The following ANO1 variants were observed in gnomAD, a reference collection of about 807,000 sequenced individuals.
The protein encoded by ANO1 is anoctamin 1.
ANO1 carries 59 observed loss-of-function variants against 124.0 expected under a neutral mutation model. That is an observed-to-expected ratio of 0.48 (90% CI 0.39 to 0.59). ANO1 has a LOEUF of 0.59. ANO1 is among the 20% of genes least tolerant of loss of function. The pLI, the probability that ANO1 is intolerant of heterozygous loss-of-function variation, is 0.00. For missense variants in ANO1, 1,059 were observed against 1,328.0 expected, an observed-to-expected ratio of 0.80 and a Z score of 3.15; for synonymous variants, 529 against 532.0, an observed-to-expected ratio of 0.99 and a Z score of 0.08.
rs2045391102 is a variant in ANO1, at chr11:70,104,098, C to T, written c.640C>T (p.Pro214Ser). 1.9e-6 allele frequency: 3 copies of T among 1,612,904 alleles called. No homozygotes were observed. The highest frequency in any genetic ancestry group is 1.3e-5 in the African/African-American group (1 of 74,896). ...CCAGCCCAAAGTGGCTGAGCACAGG[C>T]CCCAGACCATGAAGAGACTCTCCTA... ...PIQPKVAEHR[P>S]QTMKRLSYPF... The change falls in exon 4 of 26, where the codon CCC (proline) becomes TCC (serine). Residue 214 changes from proline (P) to serine (S), a missense_variant. Physicochemically the swap from Pro to Ser is moderately conservative, Grantham distance 74. Around this residue, in one of 2 missense-constraint regions of ANO1, gnomAD observed 809 missense variants for 1,094.9 expected, o/e 0.74. Transcript: ENST00000355303.
chr11:70,060,759 T>C (rs1857554573), intron 1 of ANO1, among the ~76,000 whole-genome samples: 1 of 152,132 alleles, frequency 6.6e-6, no homozygotes, highest in South Asian at 2.1e-4. Flanking sequence ...GGTCAACTTG[T>C]TCTGATAGAA....
chr11:69,997,467 C>T (rs1226730283), intron 1 of ANO1, among the ~76,000 whole-genome samples: 5 of 152,184 alleles, frequency 3.3e-5, no homozygotes, highest in African/African-American at 1.2e-4. Flanking sequence ...ACCTACTGGT[C>T]CCCCAGGCCA....
chr11:70,161,145 C>T lies in ANO1; in HGVS notation c.1579-16C>T, dbSNP rs1468099561. ...GGGTGGGCCCCCAACCAAGAGTGCC[C>T]CTTTCCCCCCTGCAGATTGCAGTGA... is the stretch of plus-strand genomic sequence containing the variant. On this transcript the variant is annotated splice_polypyrimidine_tract_variant and intron_variant, in intron 16 of 25. Transcript: ENST00000355303. 1.2e-6 allele frequency: 2 copies of T among 1,610,230 alleles called. No homozygotes were observed. Among genetic ancestry groups the T allele is most frequent in the Non-Finnish European group, 8.5e-7 (1 of 1,178,544 alleles).
intron 10 of ANO1, among the ~76,000 whole-genome samples, chr11:70,128,176 C>G (rs1477087495): frequency 1.3e-5 from 2 of 151,130 alleles, no homozygotes; most frequent in Non-Finnish European, 3.0e-5. Flanking sequence ...CCCCCACCCC[C>G]GAATCAAAGC....
intron 14 of ANO1, 135 bp downstream of exon 14, chr11:70,153,263 T>C: frequency 1.3e-6 from 1 of 777,156 alleles, no homozygotes; most frequent in Non-Finnish European, 2.1e-6. Context: ...AACTCTGCCA[T>C]GGTAGCGGCA....
intron 1 of ANO1, among the ~76,000 whole-genome samples, chr11:70,041,762 A>G (rs183842447): frequency 6.6e-5 from 10 of 152,174 alleles, no homozygotes; most frequent in African/African-American, 2.2e-4. Flanking sequence ...TTCCTTCCCT[A>G]TTAGTAGAGG....
intron 2 of ANO1, among the ~76,000 whole-genome samples, chr11:70,095,431 GAA>G: frequency 7.6e-6 from 1 of 132,332 alleles, no homozygotes; most frequent in Non-Finnish European, 1.7e-5. Context: ...AGAAAGAAAA[GAA>G]AAGAAAGAAA....
chr11:70,088,053 AGGCGG>A lies in ANO1; in HGVS notation c.412_416del (p.Ala138ProfsTer10). 7.1e-7 allele frequency: 1 copy of A among 1,402,160 alleles called. No individual in the cohort carries two copies. The highest frequency in any genetic ancestry group is 2.7e-5 in the East Asian group (1 of 36,482). The allele number at this position is 1,402,160 out of a possible 1,614,324, so 86.9% of individuals were successfully genotyped here. A position where few individuals can be genotyped will look rare whatever the true frequency, so the allele number is the denominator to read the frequency against. ...GAGGAGTACGAGGGCAACCTCCTGG[AGGCGG>A]GCCTGGAGCTGGAGCGGGACGAGGA... On this transcript the variant is annotated frameshift_variant, in exon 2 of 26. Transcript: ENST00000355303. LOFTEE classifies it high-confidence loss of function.
chr11:70,110,294 C>A (rs994245642), intron 6 of ANO1, among the ~76,000 whole-genome samples: 1 of 148,116 alleles, frequency 6.8e-6, no homozygotes, highest in Non-Finnish European at 1.5e-5. Flanking sequence ...TTAAGCAATT[C>A]TCCTGCCTCA....
At chr11:70,153,736 A>G (rs2047691341) in intron 14 of ANO1, among the ~76,000 whole-genome samples, 1 of 152,048 alleles carries the variant, frequency 6.6e-6, no homozygotes, top group African/African-American at 2.4e-5. Flanking sequence ...AGACCTCCAG[A>G]GGTGCTTGCC....
In ANO1 at chr11:70,187,758, C is replaced by T. The variant is rs199878233; in HGVS notation, c.2715C>T (p.Ser905=). 1.1e-4 allele frequency: 174 copies of T among 1,608,872 alleles called. No individual in the cohort carries two copies. In the African/African-American group the frequency reaches 1.8e-3, roughly 17 times the overall value. Residue 905 remains serine (S), a synonymous_variant, in exon 26 of 26, where the codon AGC becomes AGT. Coordinates refer to ENST00000355303, the MANE Select transcript of ANO1 (RefSeq NM_018043.7). ...TCCAGAACCTGGTCATGTTCATGAG[C>T]GACTTTGTGGACTGGGTCATCCCGG... The part of the protein sequence containing the change: ...IVFQNLVMFM[S]DFVDWVIPDI...
chr11:70,010,179 G>GTGTGTGTATATATATATATA lies in ANO1; in HGVS notation c.58+24014_58+24015insGTGTGTATATATATATATAT. Among the ~76,000 whole-genome samples the GTGTGTGTATATATATATATA allele has an allele frequency of 4.3e-4, 36 of 83,796 alleles. 2 individuals are homozygous for GTGTGTGTATATATATATATA. The highest frequency in any genetic ancestry group is 5.2e-3 in the Middle Eastern group (1 of 192). The allele number at this position is 83,796 out of a possible 152,430, so 55.0% of individuals were successfully genotyped here. A position where few individuals can be genotyped will look rare whatever the true frequency, so the allele number is the denominator to read the frequency against. On this transcript the variant is annotated intron_variant, in intron 1 of 27. Coordinates refer to the ANO1 transcript ENST00000531349. ...TGTGTGTGTGTGCGCGTGTGTGTGT[G>GTGTGTGTATATATATATATA]TATATATATATATATATATCACATT...
intron 14 of ANO1, 72 bp from the exon 15 acceptor site, chr11:70,155,839 C>A: frequency 7.1e-7 from 1 of 1,398,660 alleles, no homozygotes; most frequent in Non-Finnish European, 9.5e-7. Flanking sequence ...GGACGGTTCC[C>A]TGGGCCCCGC....
chr11:70,113,624 C>T (rs2045873718), intron 7 of ANO1, among the ~76,000 whole-genome samples: 3 of 152,118 alleles, frequency 2.0e-5, no homozygotes, highest in Non-Finnish European at 4.4e-5. Flanking sequence ...CATCCATGCT[C>T]CTGATTGACC....
chr11:70,169,723 G>A (rs567761088), intron 21 of ANO1, among the ~76,000 whole-genome samples: 5 of 152,230 alleles, frequency 3.3e-5, no homozygotes, highest in Non-Finnish European at 7.4e-5. Context: ...AGCCCAGGGA[G>A]AGAACTTGCA....
chr11:70,007,651 G>A (rs1555000316), intron 1 of ANO1, among the ~76,000 whole-genome samples: 2 of 152,158 alleles, frequency 1.3e-5, no homozygotes, highest in Admixed American at 6.5e-5. Context: ...CTATTGATCA[G>A]CTGATGACTA....
At chr11:69,966,777 G>A in the ANO1 span, among the ~76,000 whole-genome samples, 4 of 152,220 alleles carry the variant, frequency 2.6e-5, no homozygotes, top group Non-Finnish European at 5.9e-5. Context: ...AGGACCCAGA[G>A]AGCAGACTTC....
chr11:69,993,179 C>T (rs1335444152), intron 1 of ANO1, among the ~76,000 whole-genome samples: 1 of 152,192 alleles, frequency 6.6e-6, no homozygotes, highest in African/African-American at 2.4e-5. Context: ...TCAGCTGCAC[C>T]CTTGTTTGCC....
At chr11:70,110,407 C>T (rs1380162891) in intron 6 of ANO1, among the ~76,000 whole-genome samples, 8 of 152,128 alleles carry the variant, frequency 5.3e-5, no homozygotes, top group Admixed American at 1.3e-4. Flanking sequence ...AGGATAGTCT[C>T]GATCTCTTGA....
Sources: allele counts gnomAD v4.1 joint callset (sites outside exome capture counted in the v4.1 genomes callset), GRCh38; gene constraint gnomAD v4.1.1; regional missense constraint gnomAD v4.1.1; transcripts MANE v1.5; gene names NCBI Gene and HGNC (gene_info 2026-07-23, HGNC 2026-07-21).